The following EXOC4 variants were observed in gnomAD, a reference collection of about 807,000 sequenced individuals.
EXOC4 encodes exocyst complex component 4.
Under a neutral mutation model 107.2 loss-of-function variants are expected in EXOC4, and 71 were observed. The ratio of observed to expected loss-of-function variants is 0.66; its 90% confidence interval spans 0.55 to 0.81. EXOC4 has a LOEUF of 0.81. Among genes scored for constraint, EXOC4 ranks in the 30% least tolerant of loss-of-function variants. The pLI is 0.00. For synonymous variants in EXOC4, 456 were observed against 441.2 expected, an observed-to-expected ratio of 1.03 and a Z score of -0.42; for missense variants, 1,108 against 1,189.6, an observed-to-expected ratio of 0.93 and a Z score of 1.01.
At chr7:133,593,596 A>G (rs531209506) in intron 9 of EXOC4, among the ~76,000 whole-genome samples, 31 of 152,324 alleles carry the variant, frequency 2.0e-4, no homozygotes, top group Non-Finnish European at 2.6e-4. Context: ...ATGTTTATGG[A>G]TGAAAGCTCT....
At chr7:133,838,688 A>G (rs777686684) in intron 11 of EXOC4, among the ~76,000 whole-genome samples, 7 of 152,212 alleles carry the variant, frequency 4.6e-5, no homozygotes, top group Non-Finnish European at 5.9e-5. Context: ...CCATGGTACT[A>G]CTTTACAGTA....
chr7:133,348,134 T>A (rs1795827474), intron 5 of EXOC4, among the ~76,000 whole-genome samples: 1 of 152,214 alleles, frequency 6.6e-6, no homozygotes, highest in African/African-American at 2.4e-5. Flanking sequence ...AAAGCACCAA[T>A]AATTCTACCT....
At chr7:134,004,760 C>A in intron 15 of EXOC4, 152 bp from the exon 16 acceptor site, 1 of 615,026 alleles carries the variant, frequency 1.6e-6, no homozygotes, top group Non-Finnish European at 2.7e-6. Flanking sequence ...GTGTCTGGCA[C>A]AAATAGGGTA....
rs149787882 is a variant in EXOC4 at position 133,305,754 on chromosome 7, A to G, written c.472-123A>G. ...CACATTATACTCTACGAAGTCTTTT[A>G]TATGCTGATAAAGTTCTCGTAAGCT... On this transcript the variant is annotated intron_variant, in intron 3 of 17. Coordinates refer to ENST00000253861, the MANE Select transcript of EXOC4 (RefSeq NM_021807.4). 16 of 756,476 alleles carry G rather than the reference A, an allele frequency of 2.1e-5. No individual in the cohort carries two copies. The East Asian group carries it at 4.2e-4, about 20-fold the overall frequency. The allele number at this position is 756,476 out of a possible 1,614,324, so 46.9% of individuals were successfully genotyped here. A position where few individuals can be genotyped will look rare whatever the true frequency, so the allele number is the denominator to read the frequency against.
rs1329760303 is a variant in EXOC4, at chr7:133,817,339, T to C, written c.1529T>C (p.Ile510Thr). 3 of 1,613,334 alleles carry C rather than the reference T, an allele frequency of 1.9e-6. No individual in the cohort carries two copies. Among genetic ancestry groups the C allele is most frequent in the East Asian group, 2.2e-5 (1 of 44,876 alleles). Reference protein sequence around the residue: ...FHPLLRFIQEIEHALGLGPAK... With the variant: ...FHPLLRFIQETEHALGLGPAK... ...TTGTCCTCCAGATTTATTCAGGAGA[T>C]TGAGCATGCTCTGGGTCTTGGCCCA... Residue 510 changes from isoleucine (I) to threonine (T), a missense_variant, in exon 11 of 18, where the codon ATT (isoleucine) becomes ACT (threonine). Ile to Thr is a moderately conservative substitution (Grantham distance 89, BLOSUM62 -1). Transcript: ENST00000253861.
intron 5 of EXOC4, among the ~76,000 whole-genome samples, chr7:133,320,428 T>A (rs1795086220): frequency 6.6e-6 from 1 of 152,100 alleles, no homozygotes; most frequent in Admixed American, 6.6e-5. Context: ...CAATGGTGGG[T>A]CACATTCTTC....
chr7:133,751,097 T>C (rs1450464478), intron 10 of EXOC4, among the ~76,000 whole-genome samples: 2 of 152,204 alleles, frequency 1.3e-5, no homozygotes, highest in African/African-American at 2.4e-5. Context: ...TGGAAGACCA[T>C]CAAAATATTT....
At chr7:133,674,644 C>G (rs1473953359) in intron 10 of EXOC4, among the ~76,000 whole-genome samples, 1 of 152,082 alleles carries the variant, frequency 6.6e-6, no homozygotes, top group Non-Finnish European at 1.5e-5. Flanking sequence ...TTATGAAGAG[C>G]CTATTAGCAG....
chr7:133,383,548 G>GA (rs1428939462), intron 7 of EXOC4, among the ~76,000 whole-genome samples: 1 of 152,200 alleles, frequency 6.6e-6, no homozygotes, highest in Non-Finnish European at 1.5e-5. Context: ...ACCTCTTGCA[G>GA]AGAGAGCTTG....
chr7:133,416,765 A>G (rs960136945), intron 7 of EXOC4, among the ~76,000 whole-genome samples: 2 of 152,156 alleles, frequency 1.3e-5, no homozygotes, highest in Admixed American at 6.5e-5. Context: ...GCAACAGTAC[A>G]TTTTTTAAAG....
chr7:133,474,601 C>T (rs1161189562), intron 7 of EXOC4, among the ~76,000 whole-genome samples: 1 of 152,184 alleles, frequency 6.6e-6, no homozygotes, highest in Non-Finnish European at 1.5e-5. Context: ...GCATGAGCCA[C>T]TGTGCCTAGC....
At chr7:134,067,624 CTT>C (rs1563111707), downstream of EXOC4, among the ~76,000 whole-genome samples, 130 of 69,088 alleles carry the variant, frequency 1.9e-3, no homozygotes, top group African/African-American at 9.0e-3. Context: ...GGACCCAACT[CTT>C]ATATATATAT....
chr7:133,756,254 TC>T (rs1012032996), intron 10 of EXOC4, among the ~76,000 whole-genome samples: 3 of 152,188 alleles, frequency 2.0e-5, no homozygotes, highest in Non-Finnish European at 4.4e-5. Flanking sequence ...CTGCTTTTTT[TC>T]CCCTAAGTAC....
chr7:133,767,690 A>G (rs1012632993), intron 10 of EXOC4, among the ~76,000 whole-genome samples: 2 of 152,022 alleles, frequency 1.3e-5, no homozygotes, highest in African/African-American at 4.8e-5. Context: ...ACTGCTGTCC[A>G]TGAAATACAA....
intron 12 of EXOC4, among the ~76,000 whole-genome samples, chr7:133,915,773 G>A (rs1305247133): frequency 6.6e-6 from 1 of 152,188 alleles, no homozygotes; most frequent in Admixed American, 6.5e-5. Context: ...ATAGAAAATA[G>A]TAGTAAGAAA....
At chr7:134,028,894 A>G (rs1795205736) in intron 17 of EXOC4, among the ~76,000 whole-genome samples, 1 of 152,214 alleles carries the variant, frequency 6.6e-6, no homozygotes, top group Admixed American at 6.5e-5. Context: ...TCTAATCTAG[A>G]CACCTACTGG....
At chr7:133,677,948 A>G (rs1285504819) in intron 10 of EXOC4, among the ~76,000 whole-genome samples, 3 of 152,232 alleles carry the variant, frequency 2.0e-5, no homozygotes, top group Admixed American at 2.0e-4. Context: ...TACTGTTGTT[A>G]AAAAGCATCA....
chr7:133,953,150 T>C (rs1411025603), intron 14 of EXOC4, among the ~76,000 whole-genome samples: 1 of 152,190 alleles, frequency 6.6e-6, no homozygotes, highest in African/African-American at 2.4e-5. Flanking sequence ...ATGATAATAA[T>C]ATATGCTAAG....
intron 3 of EXOC4, among the ~76,000 whole-genome samples, chr7:133,293,343 A>G (rs1462540114): frequency 2.6e-5 from 4 of 152,156 alleles, no homozygotes; most frequent in South Asian, 4.1e-4. Context: ...TTCTTTCTCC[A>G]TGGTTATGTA....
Sources: gnomAD v4.1 joint callset for allele counts (sites outside exome capture counted in the v4.1 genomes callset) on GRCh38, gnomAD v4.1.1 for gene constraint, MANE v1.5 for transcripts, NCBI Gene and HGNC (gene_info 2026-07-23, HGNC 2026-07-21) for gene names.